CSMD3: variants seen among roughly 807,000 people sequenced by gnomAD.
CSMD3 encodes CUB and sushi domain-containing protein 3.
CSMD3 carries 177 observed loss-of-function variants against 435.2 expected under a neutral mutation model. That is an observed-to-expected ratio of 0.41 (90% CI 0.36 to 0.46). The LOEUF is 0.46. CSMD3 is among the 20% of genes least tolerant of loss of function. The probability of loss-of-function intolerance (pLI) is 0.34; values close to 1 mark genes in which losing one functional copy is unlikely to be tolerated. For missense variants in CSMD3, 4,265 were observed against 4,504.6 expected, an observed-to-expected ratio of 0.95 and a Z score of 1.52; for synonymous variants, 1,656 against 1,520.5, an observed-to-expected ratio of 1.09 and a Z score of -2.07.
At chr8:112,406,972 G>A (rs1265065169) in intron 34 of CSMD3, among the ~76,000 whole-genome samples, 2 of 151,776 alleles carry the variant, frequency 1.3e-5, no homozygotes, top group African/African-American at 4.8e-5. Flanking sequence ...AAACATCAAC[G>A]ATTTTTGTTT....
intron 3 of CSMD3, among the ~76,000 whole-genome samples, chr8:113,175,066 TATA>T (rs1326626432): frequency 2.0e-5 from 3 of 151,868 alleles, no homozygotes; most frequent in African/African-American, 7.2e-5. Flanking sequence ...CTAAATTCTA[TATA>T]ATATTACAAT....
chr8:113,037,619 A>G (rs1202125253), intron 5 of CSMD3, among the ~76,000 whole-genome samples: 1 of 152,136 alleles, frequency 6.6e-6, no homozygotes, highest in Non-Finnish European at 1.5e-5. Context: ...TGAAAAAATG[A>G]CAAATGTATT....
chr8:112,227,493 TG>T (rs1345680925), intron 70 of CSMD3, among the ~76,000 whole-genome samples: 1 of 152,198 alleles, frequency 6.6e-6, no homozygotes, highest in Non-Finnish European at 1.5e-5. Flanking sequence ...GATGGTTGCA[TG>T]GCACTCTGAA....
Position 113,278,672 on chromosome 8 carries a change from G to A in CSMD3, c.434C>T (p.Thr145Ile), listed in dbSNP as rs1421914022. Residue 145 changes from threonine (T) to isoleucine (I), a missense_variant, in exon 3 of 71, where the codon ACA becomes ATA. Physicochemically the swap from Thr to Ile is moderately conservative, Grantham distance 89. Coordinates refer to ENST00000297405, the MANE Select transcript of CSMD3 (RefSeq NM_198123.2). Reference sequence around the variant, plus strand: ...TAGTGAGAACACAGATTTGGTACTTGTCACTGGAGGTGGCAGATGGAATCC... The same window carrying A: ...TAGTGAGAACACAGATTTGGTACTTATCACTGGAGGTGGCAGATGGAATCC... ...LTGFHLPPPV[T>I]STKSVFSLRL... is the part of the protein sequence containing the mutation. 1.3e-6 allele frequency: 2 copies of A among 1,592,144 alleles called. No homozygotes were observed. The highest frequency in any genetic ancestry group is 1.7e-6 in the Non-Finnish European group (2 of 1,160,428).
chr8:112,484,297 G>A (rs1309788103), intron 31 of CSMD3, among the ~76,000 whole-genome samples: 1 of 151,930 alleles, frequency 6.6e-6, no homozygotes, highest in African/African-American at 2.4e-5. Context: ...AAGTTAACTG[G>A]GACTTTGTCA....
intron 2 of CSMD3, among the ~76,000 whole-genome samples, chr8:113,296,872 A>G (rs1368032749): frequency 6.6e-6 from 1 of 152,200 alleles, no homozygotes; most frequent in Non-Finnish European, 1.5e-5. Flanking sequence ...TATCAAATAT[A>G]AACTTCCAGA....
intron 9 of CSMD3, among the ~76,000 whole-genome samples, chr8:112,926,775 A>C (rs2082924144): frequency 6.6e-6 from 1 of 152,088 alleles, no homozygotes. Flanking sequence ...CTTGGGTCAT[A>C]GAAGAGGATC....
intron 32 of CSMD3, among the ~76,000 whole-genome samples, chr8:112,415,896 C>T (rs1811860699): frequency 6.6e-6 from 1 of 152,162 alleles, no homozygotes; most frequent in African/African-American, 2.4e-5. Context: ...GTGTATTTGC[C>T]AAATGCCTGT....
At chr8:112,351,970 A>G (rs1238103153) in intron 39 of CSMD3, among the ~76,000 whole-genome samples, 1 of 152,068 alleles carries the variant, frequency 6.6e-6, no homozygotes, top group Non-Finnish European at 1.5e-5. Flanking sequence ...TTAGCAAAAT[A>G]TACTTGTAGT....
rs1437089384 is a variant in CSMD3 at position 112,817,664 on chromosome 8, G to C, written c.1859+12022C>G. ...GTGTGAAAATGAACACAGAGATACA[G>C]AAAGAGATAATAGAGATAGAGAGAG... is the stretch of plus-strand genomic sequence containing the variant. On this transcript the variant is annotated intron_variant, in intron 12 of 70. Coordinates refer to ENST00000297405, the MANE Select transcript of CSMD3 (RefSeq NM_198123.2). Among the ~76,000 whole-genome samples the C allele has an allele frequency of 2.6e-5, 4 of 151,952 alleles. No homozygotes were observed. In the East Asian group the frequency reaches 5.8e-4, roughly 22 times the overall value.
chr8:112,951,523 T>C (rs1430828689), intron 8 of CSMD3, among the ~76,000 whole-genome samples: 1 of 151,802 alleles, frequency 6.6e-6, no homozygotes, highest in Non-Finnish European at 1.5e-5. Context: ...ACTTATAATA[T>C]CAAGTGCTTT....
chr8:112,475,116 T>G (rs1413583774), intron 31 of CSMD3, among the ~76,000 whole-genome samples: 1 of 152,160 alleles, frequency 6.6e-6, no homozygotes, highest in African/African-American at 2.4e-5. Flanking sequence ...ATTAAAATTA[T>G]AATACTTTGA....
intron 4 of CSMD3, among the ~76,000 whole-genome samples, chr8:113,115,248 A>C (rs1352820742): frequency 6.6e-6 from 1 of 152,220 alleles, no homozygotes; most frequent in Admixed American, 6.5e-5. Context: ...CTCACACTAC[A>C]TTAGCTGACT....
In CSMD3 at chr8:112,506,691, C is replaced by G. The variant is rs1333547065; in HGVS notation, c.4895G>C (p.Ser1632Thr). 1 of 1,613,420 alleles carries G rather than the reference C, an allele frequency of 6.2e-7. No homozygotes were observed. ...TGGAAATAAATATATAAGAACTCAC[C>G]TGATGAACGCCAAGGAGATAACATA... is the stretch of plus-strand genomic sequence containing the variant. ...ADYVISLAFI[S>T]FSIEPNYDFL... The change falls in exon 29 of 71, where the codon AGT (serine) becomes ACT (threonine). Residue 1632 changes from serine to threonine, a missense_variant and splice_region_variant. Ser to Thr is a moderately conservative substitution (Grantham distance 58). Coordinates refer to ENST00000297405, the MANE Select transcript of CSMD3 (RefSeq NM_198123.2).
chr8:112,272,755 T>C (rs542386028), intron 59 of CSMD3, among the ~76,000 whole-genome samples: 3 of 152,312 alleles, frequency 2.0e-5, no homozygotes, highest in Non-Finnish European at 4.4e-5. Flanking sequence ...AAGCACTGAT[T>C]CTAATTTAAT....
chr8:112,372,546 T>C (rs1828501178), intron 38 of CSMD3, among the ~76,000 whole-genome samples: 1 of 152,132 alleles, frequency 6.6e-6, no homozygotes. Context: ...AAGATAACTA[T>C]AATGATAAAA....
At chr8:112,302,967 C>CT (rs769707736) in intron 52 of CSMD3, among the ~76,000 whole-genome samples, 2 of 151,488 alleles carry the variant, frequency 1.3e-5, no homozygotes, top group Non-Finnish European at 2.9e-5. Flanking sequence ...AATTGCAATT[C>CT]CTAAATTCCT....
At chr8:112,427,788 A>C (rs1437828697) in intron 32 of CSMD3, among the ~76,000 whole-genome samples, 1 of 152,138 alleles carries the variant, frequency 6.6e-6, no homozygotes, top group African/African-American at 2.4e-5. Context: ...TGTATCTTCT[A>C]AATGTGTCTT....
rs750391997 is a variant in CSMD3 at position 112,556,832 on chromosome 8, C to T, written c.4165G>A (p.Gly1389Arg). The change falls in exon 25 of 71, where the codon GGA becomes AGA. Residue 1389 changes from glycine (G) to arginine (R), a missense_variant. Coordinates refer to ENST00000297405, the MANE Select transcript of CSMD3 (RefSeq NM_198123.2). ...GTCATGCACTTGAGAAGGCTACTTCCGTGGAGAGTGTAGCCTGGATTGCAT... is the reference window on the plus strand; with the variant it reads ...GTCATGCACTTGAGAAGGCTACTTCTGTGGAGAGTGTAGCCTGGATTGCAT... ...YGCNPGYTLH[G>R]SSLLKCMTGE... The T allele has an allele frequency of 3.0e-5, 48 of 1,612,374 alleles. No individual in the cohort carries two copies. Among genetic ancestry groups the T allele is most frequent in the Non-Finnish European group, 3.4e-5 (40 of 1,179,066 alleles).
Sources: allele counts gnomAD v4.1 joint callset (sites outside exome capture counted in the v4.1 genomes callset), GRCh38; gene constraint gnomAD v4.1.1; transcripts MANE v1.5; gene names NCBI Gene and HGNC (gene_info 2026-07-23, HGNC 2026-07-21).